The following ARHGEF10L variants were observed in gnomAD, a reference collection of about 807,000 sequenced individuals.
ARHGEF10L encodes rho guanine nucleotide exchange factor 10-like protein.
Under a neutral mutation model 141.2 loss-of-function variants are expected in ARHGEF10L, and 69 were observed. The observed-to-expected ratio is 0.49, with a 90% CI of 0.40 to 0.60. The LOEUF (loss-of-function observed/expected upper bound fraction) is 0.60. Among genes scored for constraint, ARHGEF10L ranks in the 20% least tolerant of loss-of-function variants. The pLI, the probability that ARHGEF10L is intolerant of heterozygous loss-of-function variation, is 0.00. For synonymous variants in ARHGEF10L, 711 were observed against 718.5 expected (o/e 0.99, Z 0.17); for missense variants, 1,482 against 1,734.3 (o/e 0.85, Z 2.58).
At chr1:17,555,368 C>CT (rs377163805) in intron 1 of ARHGEF10L, among the ~76,000 whole-genome samples, 2,414 of 143,914 alleles carry the variant, frequency 0.017, 61 homozygotes, top group African/African-American at 0.051. Context: ...GTTTAAACTA[C>CT]TTTTTTTTTT....
chr1:17,589,706 G>A (rs2079367882), intron 4 of ARHGEF10L, among the ~76,000 whole-genome samples: 1 of 152,178 alleles, frequency 6.6e-6, no homozygotes, highest in Non-Finnish European at 1.5e-5. Context: ...TGAATCAGCA[G>A]CCATTCGTCC....
chr1:17,514,416 G>A, the ARHGEF10L span, among the ~76,000 whole-genome samples: 9 of 152,152 alleles, frequency 5.9e-5, no homozygotes, highest in East Asian at 1.9e-4. Flanking sequence ...GATTACAGGC[G>A]TGAGCCACTG....
At chr1:17,576,916 T>G (rs1173084822) in intron 1 of ARHGEF10L, among the ~76,000 whole-genome samples, 1 of 152,226 alleles carries the variant, frequency 6.6e-6, no homozygotes, top group Non-Finnish European at 1.5e-5. Context: ...GGCAGTGCCC[T>G]CCTCCTTTGG....
intron 2 of ARHGEF10L, 95 bp downstream of exon 2, chr1:17,580,727 C>G: frequency 6.7e-7 from 1 of 1,493,096 alleles, no homozygotes; most frequent in Non-Finnish European, 9.2e-7. Flanking sequence ...AGCATGGCGC[C>G]GGGTGGGAAG....
chr1:17,650,010 G>A (rs1444757693), intron 22 of ARHGEF10L, among the ~76,000 whole-genome samples: 2 of 152,172 alleles, frequency 1.3e-5, no homozygotes, highest in African/African-American at 4.8e-5. Context: ...GCAGTAAAAA[G>A]CCTTGGAAAC....
In ARHGEF10L at chr1:17,603,770, A is replaced by C. The variant is rs962085634; in HGVS notation, c.433+179A>C. ...TCTGGAGATGGCTGAGGGCGTGGCC[A>C]CCGGGGCCGGGCAGGGCTTGGGCAT... On this transcript the variant is annotated intron_variant, in intron 6 of 28. Transcript: ENST00000361221. The surrounding 1 kb of genome is among the most constrained non-coding windows in gnomAD (Gnocchi z 4.8). 1.3e-5 allele frequency among the ~76,000 whole-genome samples: 2 copies of C among 152,082 alleles called. No individual in the cohort carries two copies. Among genetic ancestry groups the C allele is most frequent in the African/African-American group, 2.4e-5 (1 of 41,412 alleles).
chr1:17,647,732 CT>C (rs1166632744), intron 21 of ARHGEF10L, among the ~76,000 whole-genome samples: 1 of 151,952 alleles, frequency 6.6e-6, no homozygotes, highest in Non-Finnish European at 1.5e-5. Flanking sequence ...AAGACAGGGT[CT>C]TTAGAGTGAT....
chr1:17,626,112 C>T (rs961116342), intron 14 of ARHGEF10L, 64 bp downstream of exon 14: 4 of 1,482,936 alleles, frequency 2.7e-6, no homozygotes, highest in Non-Finnish European at 3.8e-6. Flanking sequence ...GAGGTGCCTC[C>T]TGGGGTAGGA....
rs566295224 is a variant in ARHGEF10L, at chr1:17,619,961, G to A, written c.942+516G>A. ...CCCAGCACTTTGGGAGGGTGAAGCC[G>A]GTGGGTCAGCTGAGGTCAGGAGTTC... On this transcript the variant is annotated intron_variant, in intron 10 of 28. Transcript: ENST00000361221. This position sits in a 1 kb window ranked among gnomAD's most constrained non-coding sequence, Gnocchi z 5.0. Among the ~76,000 whole-genome samples the A allele has an allele frequency of 5.3e-5, 8 of 152,230 alleles. No individual in the cohort carries two copies. The highest frequency in any genetic ancestry group is 1.2e-4 in the Non-Finnish European group (8 of 68,010).
intron 27 of ARHGEF10L, among the ~76,000 whole-genome samples, chr1:17,692,468 C>A (rs1260764218): frequency 6.6e-6 from 1 of 152,198 alleles, no homozygotes; most frequent in African/African-American, 2.4e-5. Flanking sequence ...CACTGCTATG[C>A]ACCCAGCTGC....
At chr1:17,582,109 C>T (rs753674117) in intron 2 of ARHGEF10L, among the ~76,000 whole-genome samples, 2 of 152,132 alleles carry the variant, frequency 1.3e-5, no homozygotes, top group Non-Finnish European at 2.9e-5. Context: ...CTGAGTTTTC[C>T]TTCTGATAAG....
chr1:17,553,047 G>A (rs956351716), intron 1 of ARHGEF10L, among the ~76,000 whole-genome samples: 3 of 152,198 alleles, frequency 2.0e-5, no homozygotes, highest in Non-Finnish European at 4.4e-5. Context: ...CGAAGACTTG[G>A]AGCTCCAGTG....
intron 16 of ARHGEF10L, 192 bp from the exon 17 acceptor site, chr1:17,634,356 A>G: frequency 1.2e-6 from 1 of 824,962 alleles, no homozygotes; most frequent in Admixed American, 2.2e-5. Context: ...GGCTGTTGTG[A>G]GACCCAGAGA....
At chr1:17,592,449 T>C (rs2079630544) in intron 4 of ARHGEF10L, among the ~76,000 whole-genome samples, 1 of 152,058 alleles carries the variant, frequency 6.6e-6, no homozygotes, top group Non-Finnish European at 1.5e-5. Flanking sequence ...CATTGGGGCC[T>C]GGAGCCAGGG....
At chr1:17,576,366 G>A (rs939780322) in intron 1 of ARHGEF10L, among the ~76,000 whole-genome samples, 1 of 152,124 alleles carries the variant, frequency 6.6e-6, no homozygotes, top group Non-Finnish European at 1.5e-5. Context: ...TGCCAATGCC[G>A]GGCTGCTCTG....
At chr1:17,595,220 CTTTTTTTT>C (rs58475060) in intron 4 of ARHGEF10L, among the ~76,000 whole-genome samples, 11 of 106,114 alleles carry the variant, frequency 1.0e-4, no homozygotes, top group African/African-American at 3.3e-4. Context: ...CGTGGCTCAC[CTTTTTTTT>C]TTTTTTTTTT....
chr1:17,622,750 G>A lies in ARHGEF10L; in HGVS notation c.1021-246G>A, dbSNP rs933194789. Among the ~76,000 whole-genome samples the A allele has an allele frequency of 8.5e-5, 13 of 152,142 alleles. No homozygotes were observed. In the South Asian group the frequency reaches 1.7e-3, roughly 19 times the overall value. Reference sequence around the variant, plus strand: ...AAGGAGCTCCTTGCAGGCAGATGGCGCATAAAAGACCCTCTTCCTCCCGAC... The same window carrying A: ...AAGGAGCTCCTTGCAGGCAGATGGCACATAAAAGACCCTCTTCCTCCCGAC... On this transcript the variant is annotated intron_variant, in intron 11 of 28. Coordinates refer to ENST00000361221, the MANE Select transcript of ARHGEF10L (RefSeq NM_018125.4).
At chr1:17,554,158 A>T (rs565733132) in intron 1 of ARHGEF10L, among the ~76,000 whole-genome samples, 1 of 152,210 alleles carries the variant, frequency 6.6e-6, no homozygotes, top group Admixed American at 6.5e-5. Flanking sequence ...GCAAAAATCC[A>T]CCCAGTTCAT....
At chr1:17,590,158 G>A (rs1345230497) in intron 4 of ARHGEF10L, among the ~76,000 whole-genome samples, 1 of 152,162 alleles carries the variant, frequency 6.6e-6, no homozygotes, top group Admixed American at 6.5e-5. Flanking sequence ...CTCTGACACC[G>A]AGGCCAGGCG....
Sources: allele counts gnomAD v4.1 joint callset (sites outside exome capture counted in the v4.1 genomes callset), GRCh38; gene constraint gnomAD v4.1.1; non-coding constraint Gnocchi (gnomAD v3.1); transcripts MANE v1.5; gene names NCBI Gene and HGNC (gene_info 2026-07-23, HGNC 2026-07-21).